ZC3H4: variants seen among roughly 807,000 people sequenced by gnomAD.
ZC3H4 encodes zinc finger CCCH-type containing 4.
A neutral mutation model predicts 108.3 loss-of-function variants in ZC3H4; 13 were observed. The ratio of observed to expected loss-of-function variants is 0.12; its 90% confidence interval spans 0.08 to 0.19. The LOEUF is 0.19. Among genes scored for constraint, ZC3H4 ranks in the 10% least tolerant of loss-of-function variants. The probability of loss-of-function intolerance (pLI) is 1.00; values close to 1 mark genes in which losing one functional copy is unlikely to be tolerated. For missense variants in ZC3H4, 1,734 were observed against 1,838.8 expected, an observed-to-expected ratio of 0.94 and a Z score of 1.04; for synonymous variants, 917 against 749.6, an observed-to-expected ratio of 1.22 and a Z score of -3.65.
intron 9 of ZC3H4, 92 bp downstream of exon 9, chr19:47,084,253 C>T (rs921940032): frequency 6.5e-6 from 8 of 1,230,440 alleles, no homozygotes; most frequent in Middle Eastern, 4.7e-4. Context: ...CACTCCCACC[C>T]ACCCTCACCA....
chr19:47,085,236 C>CG, intron 7 of ZC3H4, 41 bp from the exon 8 acceptor site: 7 of 1,579,042 alleles, frequency 4.4e-6, no homozygotes, highest in Non-Finnish European at 5.2e-6. Context: ...TGACCACCCC[C>CG]TCCCCCACCC....
At chr19:47,109,052 T>G (rs1335464410) in intron 2 of ZC3H4, among the ~76,000 whole-genome samples, 1 of 152,220 alleles carries the variant, frequency 6.6e-6, no homozygotes, top group Non-Finnish European at 1.5e-5. Flanking sequence ...AAGTGTATAA[T>G]AAGATTTGTT....
chr19:47,106,800 G>A lies in ZC3H4; in HGVS notation c.161+5624C>T, dbSNP rs766389560. Among the ~76,000 whole-genome samples the A allele has an allele frequency of 1.4e-4, 21 of 152,188 alleles. 1 individual carries two copies. The highest frequency in any genetic ancestry group is 1.9e-4 in the Non-Finnish European group (13 of 68,034). On this transcript the variant is annotated intron_variant, in intron 2 of 14. Coordinates refer to ENST00000253048, the MANE Select transcript of ZC3H4 (RefSeq NM_015168.2). Reference sequence around the variant, plus strand: ...AAACTCTTGGGCTCCAAGAAAAGCCGGGGAGGAACTCAGTTACTGAATGAA... The same window carrying A: ...AAACTCTTGGGCTCCAAGAAAAGCCAGGGAGGAACTCAGTTACTGAATGAA...
Position 47,090,147 on chromosome 19 carries a change from T to C in ZC3H4, c.535A>G (p.Lys179Glu). The change falls in exon 5 of 15, where the codon AAG (lysine) becomes GAG (glutamate). Residue 179 changes from lysine (K) to glutamate (E), a missense_variant. By Grantham distance (56) the Lys-to-Glu change is moderately conservative. Coordinates refer to ENST00000253048, the MANE Select transcript of ZC3H4 (RefSeq NM_015168.2). ...YPPSHATPLP[K>E]KAYSKMDSKS... is the part of the protein sequence containing the mutation. ...CTGTCCATCTTGGAGTATGCCTTCT[T>C]GGGCAGGGGCGTGGCATGCGATGGG... 1 of 1,614,160 alleles carries C rather than the reference T, an allele frequency of 6.2e-7. No individual in the cohort carries two copies. The highest frequency in any genetic ancestry group is 1.1e-5 in the South Asian group (1 of 91,082).
In ZC3H4 at chr19:47,066,395, A is replaced by G; in HGVS notation, c.3873T>C (p.Phe1291=). The G allele has an allele frequency of 2.5e-6, 4 of 1,570,158 alleles. No individual in the cohort carries two copies. Among genetic ancestry groups the G allele is most frequent in the Non-Finnish European group, 3.4e-6 (4 of 1,160,914 alleles). ...GGGAGGCCGTGGGGTCGAAGCCTTT[A>G]AAAACATCCTTCAGGGATGCCGCAT... The part of the protein sequence containing the change: ...EQDAASLKDV[F]KGFDPTASPF... The change falls in exon 15 of 15, where the codon TTT becomes TTC. Residue 1291 remains phenylalanine, a synonymous_variant. Transcript: ENST00000253048.
In ZC3H4 at chr19:47,072,717, C is replaced by T. The variant is rs751538257; in HGVS notation, c.1441-4G>A. ...CTTCTGCATCATCGGCCAACATCTG[C>T]GGGTGTGAAAGAACAAAAGAAGGTG... On this transcript the variant is annotated splice_polypyrimidine_tract_variant and splice_region_variant and intron_variant, in intron 11 of 14. Coordinates refer to ENST00000253048, the MANE Select transcript of ZC3H4 (RefSeq NM_015168.2). This position sits in a 1 kb window ranked among gnomAD's most constrained non-coding sequence, Gnocchi z 5.6. 9.9e-6 allele frequency: 16 copies of T among 1,613,116 alleles called. No homozygotes were observed. Among genetic ancestry groups the T allele is most frequent in the South Asian group, 6.6e-5 (6 of 91,040 alleles).
rs76187449 is a variant in ZC3H4, at chr19:47,072,022, G to A, written c.1902C>T (p.Pro634=). 21 of 1,588,368 alleles carry A rather than the reference G, an allele frequency of 1.3e-5. No individual in the cohort carries two copies. Among genetic ancestry groups the A allele is most frequent in the East Asian group, 2.3e-5 (1 of 43,550 alleles). The change falls in exon 13 of 15, where the codon CCC becomes CCT. Residue 634 remains proline, a synonymous_variant. Transcript: ENST00000253048. This position sits in a 1 kb window ranked among gnomAD's most constrained non-coding sequence, Gnocchi z 5.6. ...CAGGGTGCATGTCCGGGTGCATGTC[G>A]GGGTGCATGTCAGGATGCATTGGAC... ...MGGPMHPDMH[P]DMHPDMHPDM...
chr19:47,099,060 G>GAAGA (rs1345844344), intron 2 of ZC3H4, among the ~76,000 whole-genome samples: 1 of 152,184 alleles, frequency 6.6e-6, no homozygotes, highest in Non-Finnish European at 1.5e-5. Context: ...AGGCACAAAG[G>GAAGA]AAGAAGCAGC....
In ZC3H4 at chr19:47,072,054, T is replaced by C. The variant is rs376177260; in HGVS notation, c.1870A>G (p.Met624Val). The C allele has an allele frequency of 1.8e-5, 29 of 1,584,486 alleles. No homozygotes were observed. Among genetic ancestry groups the C allele is most frequent in the Admixed American group, 7.3e-5 (4 of 54,806 alleles). The change falls in exon 13 of 15, where the codon ATG becomes GTG. Residue 624 changes from methionine to valine, a missense_variant. Around this residue, in one of 9 missense-constraint regions of ZC3H4, gnomAD observed 540 missense variants for 484.1 expected, o/e 1.12. Coordinates refer to ENST00000253048, the MANE Select transcript of ZC3H4 (RefSeq NM_015168.2). The surrounding 1 kb of genome is among the most constrained non-coding windows in gnomAD (Gnocchi z 5.6). ...PGPNMGPPGP[M>V]GGPMHPDMHP... is the part of the protein sequence containing the mutation. Reference sequence around the variant, plus strand: ...ATGTCAGGATGCATTGGACCGCCCATTGGCCCTGGGGGTCCCATGTTGGGC... The same window carrying C: ...ATGTCAGGATGCATTGGACCGCCCACTGGCCCTGGGGGTCCCATGTTGGGC...
rs2057172137 is a variant in ZC3H4 at position 47,064,737 on chromosome 19, A to AAAAAAAGAC, written c.*1618_*1619insGTCTTTTTT. On this transcript the variant is annotated 3_prime_UTR_variant, in exon 15 of 15. Coordinates refer to ENST00000253048, the MANE Select transcript of ZC3H4 (RefSeq NM_015168.2). ...ATGATTGTGTAAAAAAAAAAAAAAAAAAAAAGACAAAAAGACAAACCAACC... is the reference window on the plus strand; with the variant it reads ...ATGATTGTGTAAAAAAAAAAAAAAAAAAAAAAGACAAAAAGACAAAAAGACAAACCAACC... 1 of 151,250 alleles carries AAAAAAAGAC rather than the reference A, an allele frequency of 6.6e-6. No homozygotes were observed. The highest frequency in any genetic ancestry group is 6.6e-5 in the Admixed American group (1 of 15,182). 9.4% of individuals were successfully genotyped at this position (151,250 alleles called of 1,614,324 possible).
At chr19:47,069,037 CTCCCCTGCACAGCGGCCTGGGGCCTGT>C in intron 14 of ZC3H4, 28 bp downstream of exon 14, 1 of 1,598,414 alleles carries the variant, frequency 6.3e-7, no homozygotes. Flanking sequence ...ACCACCGCCG[CTCCCCTGCACAGCGGCCTGGGGCCTGT>C]GCCCCGGCCC....
chr19:47,102,478 C>T (rs1018578029), intron 2 of ZC3H4, among the ~76,000 whole-genome samples: 4 of 152,166 alleles, frequency 2.6e-5, no homozygotes, highest in Admixed American at 6.5e-5. Context: ...AGACTTTGGG[C>T]AAATTCCTTA....
Position 47,067,789 on chromosome 19 carries a change from G to T in ZC3H4, c.2479C>A (p.Gln827Lys). 1 of 1,609,456 alleles carries T rather than the reference G, an allele frequency of 6.2e-7. No homozygotes were observed. ...GAAGCCGGGGGTCGGCTGGACGTCTGCTGCCTCAAGGTCTTCAGGATGGAG... is the reference window on the plus strand; with the variant it reads ...GAAGCCGGGGGTCGGCTGGACGTCTTCTGCCTCAAGGTCTTCAGGATGGAG... ...VTSILKTLRQ[Q>K]TSSRPPASVG... Residue 827 changes from glutamine (Q) to lysine (K), a missense_variant, in exon 15 of 15, where the codon CAG (glutamine) becomes AAG (lysine). Physicochemically the swap from Gln to Lys is moderately conservative, Grantham distance 53 (BLOSUM62 1). This residue lies in a region of ZC3H4 where 540 missense variants were observed against 484.1 expected (regional missense o/e 1.12). Transcript: ENST00000253048. The surrounding 1 kb of genome is among the most constrained non-coding windows in gnomAD (Gnocchi z 6.4).
In ZC3H4 at chr19:47,086,448, C is replaced by A; in HGVS notation, c.806G>T (p.Gly269Val). Reference protein sequence around the residue: ...RGMGRGSRGRGRGSMGGDHPE... With the variant: ...RGMGRGSRGRVRGSMGGDHPE... ...GTGGTCTCCTCCCATAGAGCCTCTG[C>A]CCCTGCCTCGGCTGCCCCTGCCCAT... Residue 269 changes from glycine to valine, a missense_variant, in exon 6 of 15, where the codon GGC becomes GTC. By Grantham distance (109) the Gly-to-Val change is moderately radical. This residue lies in a region of ZC3H4 where 403 missense variants were observed against 457.0 expected (regional missense o/e 0.88). Transcript: ENST00000253048. 1.2e-6 allele frequency: 2 copies of A among 1,612,858 alleles called. No homozygotes were observed. The highest frequency in any genetic ancestry group is 1.7e-5 in the Admixed American group (1 of 59,954).
Position 47,086,420 on chromosome 19 carries a change from C to T in ZC3H4, c.834G>A (p.Pro278=), listed in dbSNP as rs771036240. The T allele has an allele frequency of 2.5e-5, 41 of 1,613,522 alleles. No individual in the cohort carries two copies. Among genetic ancestry groups the T allele is most frequent in the Middle Eastern group, 1.7e-4 (1 of 6,060 alleles). Residue 278 remains proline, a synonymous_variant, in exon 6 of 15, where the codon CCG becomes CCA. Transcript: ENST00000253048. ...RGRGSMGGDH[P]EDEEDFYEEE... is the part of the protein sequence containing the mutation. ...CCTCGTAGAAATCCTCTTCATCCTCCGGGTGGTCTCCTCCCATAGAGCCTC... is the reference window on the plus strand; with the variant it reads ...CCTCGTAGAAATCCTCTTCATCCTCTGGGTGGTCTCCTCCCATAGAGCCTC...
chr19:47,066,629 G>A lies in ZC3H4; in HGVS notation c.3639C>T (p.Asp1213=), dbSNP rs778453962. 2 of 1,611,738 alleles carry A rather than the reference G, an allele frequency of 1.2e-6. No homozygotes were observed. The highest frequency in any genetic ancestry group is 1.7e-6 in the Non-Finnish European group (2 of 1,179,524). ...GGGGCCGGTTGTAGCTGTTGTATCT[G>A]TCCGTGGGGGTGCCCCCATCAGCAC... ...KAGADGGTPT[D]RYNSYNRPRP... Residue 1213 remains aspartate (D), a synonymous_variant, in exon 15 of 15, where the codon GAC becomes GAT. Transcript: ENST00000253048.
intron 2 of ZC3H4, among the ~76,000 whole-genome samples, chr19:47,101,318 A>G (rs567492183): frequency 2.6e-5 from 4 of 151,922 alleles, no homozygotes; most frequent in African/African-American, 9.6e-5. Flanking sequence ...TGGGCAACAG[A>G]GTGAGACCCT....
At chr19:47,101,156 A>G (rs764549230) in intron 2 of ZC3H4, among the ~76,000 whole-genome samples, 12 of 151,798 alleles carry the variant, frequency 7.9e-5, no homozygotes, top group Admixed American at 5.9e-4. Context: ...CCTGGGCAAC[A>G]TGAGGAAACC....
intron 2 of ZC3H4, among the ~76,000 whole-genome samples, chr19:47,104,037 A>G (rs60170028): frequency 0.032 from 4,907 of 151,004 alleles, 222 homozygotes; most frequent in African/African-American, 0.1. Flanking sequence ...AGAATTTCTT[A>G]GCCAGGCGCA....
Sources: gnomAD v4.1 joint callset for allele counts (sites outside exome capture counted in the v4.1 genomes callset) on GRCh38, gnomAD v4.1.1 for gene constraint, gnomAD v4.1.1 regional missense constraint, Gnocchi (gnomAD v3.1) non-coding constraint, MANE v1.5 for transcripts, NCBI Gene and HGNC (gene_info 2026-07-23, HGNC 2026-07-21) for gene names.